CSRNP3: variants seen among roughly 807,000 people sequenced by gnomAD.
CSRNP3 encodes cysteine and serine rich nuclear protein 3.
CSRNP3 carries 12 observed loss-of-function variants against 48.0 expected under a neutral mutation model. That is an observed-to-expected ratio of 0.25 (90% CI 0.16 to 0.41). The LOEUF is 0.41. Among genes scored for constraint, CSRNP3 ranks in the 10% least tolerant of loss-of-function variants. CSRNP3 has a pLI of 1.00. For synonymous variants in CSRNP3, 263 were observed against 269.7 expected, an observed-to-expected ratio of 0.98 and a Z score of 0.24; for missense variants, 580 against 724.4, an observed-to-expected ratio of 0.80 and a Z score of 2.29.
intron 4 of CSRNP3, among the ~76,000 whole-genome samples, chr2:165,608,223 T>G (rs1003481971): frequency 2.6e-5 from 4 of 151,924 alleles, no homozygotes; most frequent in Admixed American, 1.3e-4. Context: ...GTATCGTACA[T>G]TAGAACTGTG....
chr2:165,602,856 G>T (rs1037692727), intron 4 of CSRNP3, among the ~76,000 whole-genome samples: 3 of 151,498 alleles, frequency 2.0e-5, no homozygotes, highest in Admixed American at 1.3e-4. Flanking sequence ...CATCCTCTTC[G>T]CCATCTCCTC....
At chr2:165,656,793 A>G (rs1687012163) in intron 4 of CSRNP3, among the ~76,000 whole-genome samples, 1 of 152,066 alleles carries the variant, frequency 6.6e-6, no homozygotes, top group Non-Finnish European at 1.5e-5. Context: ...TTTAATGTCA[A>G]ACACCCTCCA....
chr2:165,603,818 G>A (rs144954162), intron 4 of CSRNP3, among the ~76,000 whole-genome samples: 29 of 152,186 alleles, frequency 1.9e-4, no homozygotes, highest in Non-Finnish European at 3.8e-4. Flanking sequence ...AGATTTTCTG[G>A]CCATCTCAAA....
chr2:165,556,435 C>T (rs894392572), intron 3 of CSRNP3, among the ~76,000 whole-genome samples: 2 of 152,058 alleles, frequency 1.3e-5, no homozygotes, highest in African/African-American at 2.4e-5. Context: ...AAATAAAAGT[C>T]AAACCCTGAG....
At chr2:165,589,066 C>T (rs948878988) in intron 3 of CSRNP3, among the ~76,000 whole-genome samples, 102 of 152,192 alleles carry the variant, frequency 6.7e-4, no homozygotes, top group African/African-American at 2.4e-3. Flanking sequence ...TCTTTAGGAA[C>T]AAAAATATAA....
At chr2:165,488,068 A>G (rs1343167841) in intron 1 of CSRNP3, among the ~76,000 whole-genome samples, 1 of 92,266 alleles carries the variant, frequency 1.1e-5, no homozygotes, top group Non-Finnish European at 2.1e-5. Flanking sequence ...GTGCAGAGAC[A>G]CACATAGGCT....
intron 3 of CSRNP3, among the ~76,000 whole-genome samples, chr2:165,565,685 G>A (rs1175396353): frequency 1.3e-5 from 2 of 152,012 alleles, no homozygotes; most frequent in African/African-American, 2.4e-5. Context: ...CCAGCCACTA[G>A]CATTAATAGC....
chr2:165,479,882 C>CAA lies in CSRNP3; in HGVS notation c.-283+10157_-283+10158dup, dbSNP rs574763160. 1.3e-3 allele frequency among the ~76,000 whole-genome samples: 170 copies of CAA among 127,144 alleles called. 1 individual carries two copies. The highest frequency in any genetic ancestry group is 4.3e-3 in the Middle Eastern group (1 of 232). The allele number at this position is 127,144 out of a possible 152,430, so 83.4% of individuals were successfully genotyped here. On this transcript the variant is annotated intron_variant, in intron 1 of 6. Coordinates refer to ENST00000651982, the MANE Select transcript of CSRNP3 (RefSeq NM_001172173.2). ...CCTGGGTGAGAGATGAGACCAGTCT[C>CAA]AAAAAAAAAAAAAAAATAGTCCTGC...
intron 1 of CSRNP3, among the ~76,000 whole-genome samples, chr2:165,490,134 A>G (rs1413179894): frequency 6.7e-6 from 1 of 148,512 alleles, no homozygotes; most frequent in Non-Finnish European, 1.5e-5. Context: ...AAAAATCACA[A>G]GCATTCTTAT....
At chr2:165,623,979 T>A (rs1050133624) in intron 4 of CSRNP3, among the ~76,000 whole-genome samples, 1 of 152,174 alleles carries the variant, frequency 6.6e-6, no homozygotes, top group South Asian at 2.1e-4. Flanking sequence ...TCTATTAGCC[T>A]CATTTTTCCA....
chr2:165,679,156 T>C lies in CSRNP3; in HGVS notation c.1161T>C (p.Asp387=). Residue 387 remains aspartate (D), a synonymous_variant, in exon 7 of 7, where the codon GAT becomes GAC. Transcript: ENST00000651982. ...AAGAGGAGGAGGAGGATGACGATGA[T>C]GACAAAGGAGATGGCTTCGTGGAAG... ...EEEEEEEDDD[D]DKGDGFVEGL... 6.2e-7 allele frequency: 1 copy of C among 1,613,826 alleles called. No individual in the cohort carries two copies. Among genetic ancestry groups the C allele is most frequent in the Non-Finnish European group, 8.5e-7 (1 of 1,179,954 alleles).
intron 4 of CSRNP3, among the ~76,000 whole-genome samples, chr2:165,614,497 CT>C (rs1686197502): frequency 6.6e-6 from 1 of 152,128 alleles, no homozygotes; most frequent in Admixed American, 6.5e-5. Flanking sequence ...GCATCCTTGT[CT>C]TTTTCCCGTT....
intron 2 of CSRNP3, among the ~76,000 whole-genome samples, chr2:165,503,008 G>A (rs1558918499): frequency 1.3e-5 from 2 of 151,676 alleles, no homozygotes; most frequent in Non-Finnish European, 1.5e-5. Flanking sequence ...CTTTTTCATT[G>A]TTTTATAATA....
intron 2 of CSRNP3, among the ~76,000 whole-genome samples, chr2:165,500,261 ATGT>A (rs1684338293): frequency 2.0e-5 from 3 of 151,338 alleles, no homozygotes; most frequent in Admixed American, 2.0e-4. Context: ...TTGGATTATA[ATGT>A]TGGTGGAAAT....
At chr2:165,561,154 A>T (rs183446932) in intron 3 of CSRNP3, among the ~76,000 whole-genome samples, 1 of 152,344 alleles carries the variant, frequency 6.6e-6, no homozygotes, top group East Asian at 1.9e-4. Flanking sequence ...AAAAGTCAGA[A>T]TACTTGAGTT....
chr2:165,473,977 G>T (rs1220822597), intron 1 of CSRNP3, among the ~76,000 whole-genome samples: 1 of 151,682 alleles, frequency 6.6e-6, no homozygotes. Flanking sequence ...TCAACTTCAT[G>T]ATCTCATATC....
intron 1 of CSRNP3, among the ~76,000 whole-genome samples, chr2:165,489,168 C>G (rs1165876290): frequency 6.6e-6 from 1 of 151,152 alleles, no homozygotes; most frequent in Admixed American, 6.6e-5. Context: ...ACTACAAACA[C>G]CTCTACACAA....
At chr2:165,603,306 G>T (rs557249992) in intron 4 of CSRNP3, among the ~76,000 whole-genome samples, 36 of 152,084 alleles carry the variant, frequency 2.4e-4, no homozygotes, top group Non-Finnish European at 4.7e-4. Flanking sequence ...CTGTGTGATG[G>T]CTCATAGAAC....
intron 4 of CSRNP3, among the ~76,000 whole-genome samples, chr2:165,622,594 C>A (rs1686358405): frequency 6.6e-6 from 1 of 152,104 alleles, no homozygotes; most frequent in African/African-American, 2.4e-5. Context: ...GTTGATCCAC[C>A]ATATTTAACA....
Sources: gnomAD v4.1 joint callset for allele counts (sites outside exome capture counted in the v4.1 genomes callset) on GRCh38, gnomAD v4.1.1 for gene constraint, MANE v1.5 for transcripts, NCBI Gene and HGNC (gene_info 2026-07-23, HGNC 2026-07-21) for gene names.